PSMD11: variants seen among roughly 807,000 people sequenced by gnomAD.
PSMD11 encodes the protein proteasome 26S subunit, non-ATPase 11.
Under a neutral mutation model 62.3 loss-of-function variants are expected in PSMD11, and 5 were observed. The observed-to-expected ratio is 0.08, with a 90% CI of 0.04 to 0.17. PSMD11 has a LOEUF of 0.17. Ranked by LOEUF, PSMD11 falls within the 10% of genes least tolerant of loss-of-function variation. The pLI is 1.00. For missense variants in PSMD11, 310 were observed against 512.9 expected, an observed-to-expected ratio of 0.60 and a Z score of 3.82; for synonymous variants, 191 against 191.8, an observed-to-expected ratio of 1.00 and a Z score of 0.03.
chr17:32,457,103 A>G (rs984470321), intron 3 of PSMD11, among the ~76,000 whole-genome samples: 1 of 152,242 alleles, frequency 6.6e-6, no homozygotes, highest in Non-Finnish European at 1.5e-5. Flanking sequence ...AACTGTGGTT[A>G]TATGTTGTCA....
intron 3 of PSMD11, among the ~76,000 whole-genome samples, chr17:32,460,227 T>G (rs1163963120): frequency 2.6e-5 from 4 of 151,880 alleles, no homozygotes; most frequent in Non-Finnish European, 5.9e-5. Flanking sequence ...CCTGGCTAAT[T>G]AAAACAATTT....
At chr17:32,469,263 G>A (rs759380865) in intron 6 of PSMD11, 70 bp downstream of exon 6, 1 of 1,482,086 alleles carries the variant, frequency 6.7e-7, no homozygotes, top group Admixed American at 1.9e-5. Flanking sequence ...GGAAGGAATG[G>A]GGGTTGGGGC....
At chr17:32,475,739 C>T (rs1908299018) in intron 8 of PSMD11, among the ~76,000 whole-genome samples, 1 of 151,746 alleles carries the variant, frequency 6.6e-6, no homozygotes, top group Non-Finnish European at 1.5e-5. Context: ...GCTGGGATTA[C>T]AGGCATCCGC....
chr17:32,457,085 G>A (rs572898988), intron 3 of PSMD11, among the ~76,000 whole-genome samples: 3 of 152,296 alleles, frequency 2.0e-5, no homozygotes, highest in Admixed American at 6.5e-5. Flanking sequence ...CTGGTTAGGC[G>A]CTCCCTTAAC....
At chr17:32,454,787 C>G (rs1310216519) in intron 3 of PSMD11, 168 bp downstream of exon 3, 1 of 652,270 alleles carries the variant, frequency 1.5e-6, no homozygotes, top group East Asian at 3.2e-5. Context: ...TACTTTGGGT[C>G]TGTTCCATGC....
At chr17:32,452,566 G>C (rs572418222) in intron 2 of PSMD11, among the ~76,000 whole-genome samples, 1 of 152,308 alleles carries the variant, frequency 6.6e-6, no homozygotes, top group East Asian at 1.9e-4. Context: ...CCAAAGCCAG[G>C]AAGATTAAAT....
intron 6 of PSMD11, among the ~76,000 whole-genome samples, chr17:32,470,874 G>T (rs1429458325): frequency 6.6e-6 from 1 of 152,144 alleles, no homozygotes; most frequent in African/African-American, 2.4e-5. Context: ...ATTCCTTGAG[G>T]CCTCTATACT....
intron 3 of PSMD11, 117 bp downstream of exon 3, chr17:32,454,736 G>A: frequency 1.8e-6 from 2 of 1,100,878 alleles, no homozygotes; most frequent in Non-Finnish European, 2.5e-6. Flanking sequence ...GGACAGCGCA[G>A]GACTTATCAT....
chr17:32,476,372 A>G (rs138944174), intron 8 of PSMD11, among the ~76,000 whole-genome samples: 73 of 152,328 alleles, frequency 4.8e-4, no homozygotes, highest in African/African-American at 1.4e-3. Flanking sequence ...TAGCTAATCA[A>G]TGGTGGAGCT....
chr17:32,467,666 C>A (rs998254869), intron 5 of PSMD11, among the ~76,000 whole-genome samples: 1 of 152,182 alleles, frequency 6.6e-6, no homozygotes, highest in Non-Finnish European at 1.5e-5. Context: ...GGATGGAGTA[C>A]AGTGGTGCAG....
In PSMD11 at chr17:32,447,001, A is replaced by G. The variant is rs754190621; in HGVS notation, c.148A>G (p.Ile50Val). Reference sequence around the variant, plus strand: ...GGCAGTGCAAGTCAAAGAGCAGAGCATCCTGGAACTGGGATCTCTCCTGGC... The same window carrying G: ...GGCAGTGCAAGTCAAAGAGCAGAGCGTCCTGGAACTGGGATCTCTCCTGGC... ...EEAVQVKEQS[I>V]LELGSLLAKT... is the part of the protein sequence containing the mutation. The change falls in exon 2 of 14, where the codon ATC becomes GTC. Residue 50 changes from isoleucine (I) to valine (V), a missense_variant. Ile to Val is a conservative substitution (Grantham distance 29). Transcript: ENST00000261712. 1 of 1,613,188 alleles carries G rather than the reference A, an allele frequency of 6.2e-7. No homozygotes were observed. The highest frequency in any genetic ancestry group is 8.5e-7 in the Non-Finnish European group (1 of 1,179,590).
intron 1 of PSMD11, 115 bp from the exon 2 acceptor site, chr17:32,446,830 A>G: frequency 2.0e-6 from 1 of 512,272 alleles, no homozygotes; most frequent in Non-Finnish European, 3.3e-6. Context: ...TAACTCTAGA[A>G]TTTGTCTTTT....
In PSMD11 at chr17:32,469,126, T is replaced by G. The variant is rs1257622693; in HGVS notation, c.576T>G (p.Ser192=). 1.2e-6 allele frequency: 2 copies of G among 1,614,194 alleles called. No homozygotes were observed. Among genetic ancestry groups the G allele is most frequent in the Non-Finnish European group, 1.7e-6 (2 of 1,180,042 alleles). The part of the protein sequence containing the change: ...NLPKARAALT[S]ARTTANAIYC... ...CGAAAGCCCGAGCTGCCTTAACTTC[T>G]GCTCGAACCACAGCAAATGCCATCT... Residue 192 remains serine (S), a synonymous_variant, in exon 6 of 14, where the codon TCT becomes TCG. Coordinates refer to ENST00000261712, the MANE Select transcript of PSMD11 (RefSeq NM_002815.4).
intron 5 of PSMD11, among the ~76,000 whole-genome samples, chr17:32,467,245 T>C (rs1438869852): frequency 1.5e-5 from 2 of 130,548 alleles, no homozygotes; most frequent in Non-Finnish European, 3.3e-5. Flanking sequence ...GCCCGGCCTT[T>C]TTTTTTTTTT....
In PSMD11 at chr17:32,482,588, GTCT is replaced by G. The variant is rs979583626; in HGVS notation, c.*1842_*1844del. ...TCTGAGGTTGGAAATGAGTTCAGGT[GTCT>G]TCTTCCAGGGCAGCATGGTCCAGTG... On this transcript the variant is annotated 3_prime_UTR_variant, in exon 14 of 14. Coordinates refer to ENST00000261712, the MANE Select transcript of PSMD11 (RefSeq NM_002815.4). 3.9e-5 allele frequency: 6 copies of G among 152,400 alleles called. No individual in the cohort carries two copies. The highest frequency in any genetic ancestry group is 7.3e-5 in the Non-Finnish European group (5 of 68,134). The allele number at this position is 152,400 out of a possible 1,614,324, so 9.4% of individuals were successfully genotyped here. A position where few individuals can be genotyped will look rare whatever the true frequency, so the allele number is the denominator to read the frequency against.
At chr17:32,480,027 C>A in intron 11 of PSMD11, 119 bp from the exon 12 acceptor site, 2 of 1,475,286 alleles carry the variant, frequency 1.4e-6, no homozygotes, top group Non-Finnish European at 1.9e-6. Context: ...GTAGGAGTTG[C>A]ATTGTTGCTA....
At chr17:32,463,795 G>A (rs1187031875) in intron 3 of PSMD11, among the ~76,000 whole-genome samples, 1 of 152,208 alleles carries the variant, frequency 6.6e-6, no homozygotes, top group African/African-American at 2.4e-5. Flanking sequence ...TCTCTCCTCA[G>A]TAGGTAGGAG....
chr17:32,476,356 G>A (rs1164084561), intron 8 of PSMD11, among the ~76,000 whole-genome samples: 1 of 152,204 alleles, frequency 6.6e-6, no homozygotes, highest in Non-Finnish European at 1.5e-5. Flanking sequence ...TCAGGGCAAG[G>A]TCAGGTAGCT....
At chr17:32,469,245 T>C in intron 6 of PSMD11, 52 bp downstream of exon 6, 2 of 1,551,300 alleles carry the variant, frequency 1.3e-6, no homozygotes, top group Non-Finnish European at 1.8e-6. Flanking sequence ...TCATCTTATT[T>C]TATAGGTGGA....
Sources: gnomAD v4.1 joint callset for allele counts (sites outside exome capture counted in the v4.1 genomes callset) on GRCh38, gnomAD v4.1.1 for gene constraint, MANE v1.5 for transcripts, NCBI Gene and HGNC (gene_info 2026-07-23, HGNC 2026-07-21) for gene names.